OXR1: variants seen among roughly 807,000 people sequenced by gnomAD.
OXR1 encodes oxidation resistance 1, also known as oxidation resistance protein 1.
In OXR1, 41 loss-of-function variants were observed where a neutral mutation model predicts 104.6. The ratio of observed to expected loss-of-function variants is 0.39; its 90% confidence interval spans 0.31 to 0.51. OXR1 has a LOEUF of 0.51. OXR1 is among the 20% of genes least tolerant of loss of function. OXR1 has a pLI of 0.77. For synonymous variants in OXR1, 348 were observed against 348.4 expected, an observed-to-expected ratio of 1.00 and a Z score of 0.01; for missense variants, 955 against 1,031.9, an observed-to-expected ratio of 0.93 and a Z score of 1.02.
chr8:106,537,384 T>G (rs1028457996), intron 3 of OXR1, among the ~76,000 whole-genome samples: 1 of 152,012 alleles, frequency 6.6e-6, no homozygotes, highest in Non-Finnish European at 1.5e-5. Flanking sequence ...GATGTAAATG[T>G]CCCAAGGCAA....
intron 1 of OXR1, among the ~76,000 whole-genome samples, chr8:106,356,705 A>T (rs948804157): frequency 2.1e-5 from 3 of 146,076 alleles, no homozygotes; most frequent in African/African-American, 7.8e-5. Flanking sequence ...CTTATTTAAA[A>T]AAAGGTTAAA....
intron 1 of OXR1, among the ~76,000 whole-genome samples, chr8:106,340,580 T>C (rs1444640611): frequency 2.0e-5 from 3 of 152,196 alleles, no homozygotes; most frequent in African/African-American, 7.2e-5. Context: ...ATTTATGATT[T>C]CTTAATATTA....
In OXR1 at chr8:106,680,851, C is replaced by T. The variant is rs150071341; in HGVS notation, c.303+1559C>T. Among the ~76,000 whole-genome samples the T allele has an allele frequency of 9.9e-5, 15 of 152,208 alleles. No homozygotes were observed. In the East Asian group the frequency reaches 2.7e-3, roughly 27 times the overall value. On this transcript the variant is annotated intron_variant, in intron 4 of 16. Transcript: ENST00000517566. ...CCATCCTTCCACAATTCCTGATTTT[C>T]TCATTTCCGTTCCCTTTCAGTTTGT...
At chr8:106,305,551 A>C (rs1813432438) in intron 1 of OXR1, among the ~76,000 whole-genome samples, 1 of 152,168 alleles carries the variant, frequency 6.6e-6, no homozygotes, top group Non-Finnish European at 1.5e-5. Context: ...CATTTGATTA[A>C]AATAATATTT....
At chr8:106,525,379 C>A (rs1015624146) in intron 3 of OXR1, among the ~76,000 whole-genome samples, 2 of 152,156 alleles carry the variant, frequency 1.3e-5, no homozygotes, top group African/African-American at 4.8e-5. Context: ...GATCCAGACC[C>A]AGTTTAATGT....
intron 16 of OXR1, among the ~76,000 whole-genome samples, chr8:106,749,308 A>C (rs948922001): frequency 6.7e-6 from 1 of 149,870 alleles, no homozygotes; most frequent in Non-Finnish European, 1.5e-5. Flanking sequence ...ACGCCACTGC[A>C]CTCCAGCTAG....
intron 2 of OXR1, among the ~76,000 whole-genome samples, chr8:106,409,150 TCTGA>T (rs1818363255): frequency 1.3e-5 from 2 of 152,090 alleles, no homozygotes; most frequent in Admixed American, 6.6e-5. Flanking sequence ...CTCCCACCAC[TCTGA>T]CTGATTCCCC....
intron 2 of OXR1, among the ~76,000 whole-genome samples, chr8:106,391,704 C>T (rs111764327): frequency 0.022 from 3,309 of 152,076 alleles, 114 homozygotes; most frequent in African/African-American, 0.074. Flanking sequence ...TAAATCTTAG[C>T]ATACAGATTT....
chr8:106,388,367 G>C (rs531519789), intron 2 of OXR1, among the ~76,000 whole-genome samples: 145 of 151,918 alleles, frequency 9.5e-4, no homozygotes, highest in African/African-American at 3.5e-3. Context: ...CTTGCCTTTG[G>C]CCTAATACTG....
chr8:106,683,060 G>C (rs1010588173), intron 4 of OXR1, 139 bp from the exon 5 acceptor site: 1 of 517,360 alleles, frequency 1.9e-6, no homozygotes, highest in African/African-American at 1.9e-5. Flanking sequence ...AGTGTTTCTT[G>C]ACAGTTATTT....
At chr8:106,631,274 T>C (rs1175870486) in intron 3 of OXR1, among the ~76,000 whole-genome samples, 1 of 152,252 alleles carries the variant, frequency 6.6e-6, no homozygotes, top group Non-Finnish European at 1.5e-5. Flanking sequence ...CAAATGTAAA[T>C]GTATTATCTA....
intron 1 of OXR1, among the ~76,000 whole-genome samples, chr8:106,307,324 G>A (rs942454254): frequency 2.0e-5 from 3 of 152,050 alleles, no homozygotes; most frequent in African/African-American, 7.2e-5. Flanking sequence ...TTTCCCCATT[G>A]TCCCCAGGAT....
chr8:106,747,986 A>G (rs1835534289), intron 16 of OXR1, among the ~76,000 whole-genome samples: 1 of 152,196 alleles, frequency 6.6e-6, no homozygotes, highest in South Asian at 2.1e-4. Context: ...TTTTATGAGC[A>G]AGTCTGACCC....
intron 1 of OXR1, among the ~76,000 whole-genome samples, chr8:106,327,732 A>T (rs1173898989): frequency 6.6e-6 from 1 of 152,146 alleles, no homozygotes; most frequent in African/African-American, 2.4e-5. Flanking sequence ...TTGGCTTTGT[A>T]CTTCAAAGTT....
At chr8:106,572,474 T>C (rs1358811734) in intron 3 of OXR1, among the ~76,000 whole-genome samples, 1 of 152,238 alleles carries the variant, frequency 6.6e-6, no homozygotes, top group East Asian at 1.9e-4. Context: ...GCATCTATGC[T>C]TAAAAATTGC....
intron 2 of OXR1, among the ~76,000 whole-genome samples, chr8:106,407,267 CA>C (rs1420384495): frequency 6.6e-6 from 1 of 152,180 alleles, no homozygotes. Flanking sequence ...AATTCACCAT[CA>C]GTGTAATAAT....
chr8:106,450,257 G>A (rs1820240141), intron 2 of OXR1, among the ~76,000 whole-genome samples: 2 of 152,100 alleles, frequency 1.3e-5, no homozygotes, highest in Non-Finnish European at 2.9e-5. Context: ...GTGATTAAGT[G>A]ATCAAAATTA....
chr8:106,457,596 C>T (rs955169454), intron 2 of OXR1, among the ~76,000 whole-genome samples: 2 of 152,124 alleles, frequency 1.3e-5, no homozygotes, highest in African/African-American at 4.8e-5. Context: ...GGCTAGATTA[C>T]TGTAAATGGA....
At chr8:106,698,346 C>T (rs928989698) in intron 7 of OXR1, among the ~76,000 whole-genome samples, 1 of 152,088 alleles carries the variant, frequency 6.6e-6, no homozygotes, top group Admixed American at 6.5e-5. Flanking sequence ...TGATTTTGAG[C>T]AATTTTATTA....
Sources: allele counts gnomAD v4.1 joint callset (sites outside exome capture counted in the v4.1 genomes callset), GRCh38; gene constraint gnomAD v4.1.1; transcripts MANE v1.5; gene names NCBI Gene and HGNC (gene_info 2026-07-23, HGNC 2026-07-21).